CDK5RAP2: variants seen among roughly 807,000 people sequenced by gnomAD.
CDK5RAP2 encodes CDK5 regulatory subunit associated protein 2.
A neutral mutation model predicts 232.9 loss-of-function variants in CDK5RAP2; 147 were observed. The observed-to-expected ratio is 0.63, with a 90% confidence interval of 0.55 to 0.72. CDK5RAP2 has a LOEUF of 0.72. Ranked by LOEUF, CDK5RAP2 falls within the 30% of genes least tolerant of loss-of-function variation. The probability of loss-of-function intolerance (pLI) is 0.00; values close to 1 mark genes in which losing one functional copy is unlikely to be tolerated. For missense variants in CDK5RAP2, 2,195 were observed against 2,231.5 expected, an observed-to-expected ratio of 0.98 and a Z score of 0.33; for synonymous variants, 833 against 833.7, an observed-to-expected ratio of 1.00 and a Z score of 0.01.
intron 21 of CDK5RAP2, 89 bp from the exon 22 acceptor site, chr9:120,448,215 C>G: frequency 2.6e-6 from 3 of 1,145,598 alleles, no homozygotes; most frequent in Non-Finnish European, 4.0e-6. Flanking sequence ...CCTTATAAAA[C>G]GGAATTCGAA....
chr9:120,415,250 C>G, intron 27 of CDK5RAP2, 91 bp from the exon 28 acceptor site: 1 of 1,456,934 alleles, frequency 6.9e-7, no homozygotes, highest in Non-Finnish European at 9.5e-7. Context: ...AAATTCCAAA[C>G]AGTATTGGAT....
chr9:120,399,920 G>A (rs937705831), intron 35 of CDK5RAP2, among the ~76,000 whole-genome samples: 4 of 152,142 alleles, frequency 2.6e-5, no homozygotes. Flanking sequence ...GCTACTTCAT[G>A]GTCATGTTTG....
chr9:120,491,253 T>TA (rs1348210410), intron 13 of CDK5RAP2, 54 bp downstream of exon 13: 4 of 1,298,046 alleles, frequency 3.1e-6, no homozygotes, highest in African/African-American at 1.5e-5. Flanking sequence ...AATTATTTTT[T>TA]AAAAAAATCA....
chr9:120,421,175 A>G (rs1052304148), intron 26 of CDK5RAP2, among the ~76,000 whole-genome samples: 1 of 152,094 alleles, frequency 6.6e-6, no homozygotes, highest in South Asian at 2.1e-4. Flanking sequence ...TTGACCCTCT[A>G]TGTGCCAGCT....
At chr9:120,413,515 A>T (rs1307329453) in intron 28 of CDK5RAP2, among the ~76,000 whole-genome samples, 1 of 152,244 alleles carries the variant, frequency 6.6e-6, no homozygotes, top group African/African-American at 2.4e-5. Flanking sequence ...TCTTTCCACC[A>T]GTGTAAATAC....
Position 120,453,543 on chromosome 9 carries a change from T to G in CDK5RAP2, c.2706A>C (p.Ala902=). ...TCTCTGGCCGATGCTCTGCGCTGAG[T>G]GCAGTGTTGATCGGTTTCTCTTCCC... The part of the protein sequence containing the change: ...EAWEEKPINT[A]LSAEHRPENL... The change falls in exon 21 of 38, where the codon GCA becomes GCC. Residue 902 remains alanine, a synonymous_variant. Transcript: ENST00000349780. The G allele has an allele frequency of 6.2e-7, 1 of 1,614,164 alleles. No individual in the cohort carries two copies. Among genetic ancestry groups the G allele is most frequent in the Non-Finnish European group, 8.5e-7 (1 of 1,180,030 alleles).
intron 3 of CDK5RAP2, among the ~76,000 whole-genome samples, chr9:120,567,416 C>G (rs181594810): frequency 6.6e-6 from 1 of 152,318 alleles, no homozygotes; most frequent in Non-Finnish European, 1.5e-5. Flanking sequence ...GTCCTTCTCT[C>G]TGTGTCCTCC....
chr9:120,435,470 T>TACAC (rs55654634), intron 25 of CDK5RAP2, among the ~76,000 whole-genome samples: 4,696 of 147,378 alleles, frequency 0.032, 82 homozygotes, highest in South Asian at 0.056. Flanking sequence ...ATTACACATT[T>TACAC]ACACACACAC....
chr9:120,474,674 T>A lies in CDK5RAP2; in HGVS notation c.1727+2676A>T, dbSNP rs1238398419. On this transcript the variant is annotated intron_variant, in intron 15 of 37. Transcript: ENST00000349780. ...GTCTTAGAATGCACATTTCCACTTCTGTAATTTGGGGATCATCCACCAACT... is the reference window on the plus strand; with the variant it reads ...GTCTTAGAATGCACATTTCCACTTCAGTAATTTGGGGATCATCCACCAACT... 2.0e-5 allele frequency among the ~76,000 whole-genome samples: 3 copies of A among 152,216 alleles called. No homozygotes were observed. In the East Asian group the frequency reaches 5.8e-4, roughly 29 times the overall value.
At chr9:120,536,286 G>A (rs2041381192) in intron 7 of CDK5RAP2, 86 bp downstream of exon 7, 2 of 1,436,034 alleles carry the variant, frequency 1.4e-6, no homozygotes, top group East Asian at 2.3e-5. Flanking sequence ...GAGAAGGGAG[G>A]GATAAAAGAG....
At chr9:120,445,888 C>T (rs1010622679) in intron 22 of CDK5RAP2, among the ~76,000 whole-genome samples, 1 of 152,202 alleles carries the variant, frequency 6.6e-6, no homozygotes, top group Non-Finnish European at 1.5e-5. Flanking sequence ...ATTATCTCCA[C>T]CGGAATGGTC....
At chr9:120,453,990 T>A in intron 20 of CDK5RAP2, 117 bp from the exon 21 acceptor site, 1 of 1,024,170 alleles carries the variant, frequency 9.8e-7, no homozygotes, top group South Asian at 1.3e-5. Flanking sequence ...CAAAACTAAA[T>A]ACAGTGTGTA....
Position 120,470,097 on chromosome 9 carries a change from T to G in CDK5RAP2, c.1968+14A>C. On this transcript the variant is annotated intron_variant, in intron 17 of 37. Coordinates refer to ENST00000349780, the MANE Select transcript of CDK5RAP2 (RefSeq NM_018249.6). ...AAAAGAAAAGAAAAGCACTAAAAATTAATAGGTCAATACCTTTTTCTTAAG... is the reference window on the plus strand; with the variant it reads ...AAAAGAAAAGAAAAGCACTAAAAATGAATAGGTCAATACCTTTTTCTTAAG... 7.8e-7 allele frequency: 1 copy of G among 1,281,118 alleles called. No homozygotes were observed. Among genetic ancestry groups the G allele is most frequent in the South Asian group, 1.2e-5 (1 of 81,248 alleles). 79.4% of individuals were successfully genotyped at this position (1,281,118 alleles called of 1,614,324 possible). A position where few individuals can be genotyped will look rare whatever the true frequency, so the allele number is the denominator to read the frequency against.
intron 25 of CDK5RAP2, among the ~76,000 whole-genome samples, chr9:120,427,204 T>C (rs975337460): frequency 2.0e-5 from 3 of 152,204 alleles, no homozygotes; most frequent in African/African-American, 7.2e-5. Flanking sequence ...TTGGCTTCCC[T>C]GGGCCACTCT....
At chr9:120,464,167 C>G in intron 18 of CDK5RAP2, among the ~76,000 whole-genome samples, 1 of 152,166 alleles carries the variant, frequency 6.6e-6, no homozygotes, top group Non-Finnish European at 1.5e-5. Flanking sequence ...AAACCCCACG[C>G]TGTTACTCTG....
At chr9:120,467,042 G>A (rs781455809) in intron 18 of CDK5RAP2, among the ~76,000 whole-genome samples, 5 of 152,170 alleles carry the variant, frequency 3.3e-5, no homozygotes, top group Non-Finnish European at 7.3e-5. Context: ...AGAGAGTCAG[G>A]CCACAGTAGG....
intron 25 of CDK5RAP2, among the ~76,000 whole-genome samples, chr9:120,435,608 C>T (rs940429632): frequency 6.6e-6 from 1 of 152,046 alleles, no homozygotes; most frequent in Non-Finnish European, 1.5e-5. Context: ...AATCAAGGCT[C>T]TTGGAGAAAT....
At chr9:120,497,834 A>G (rs1250189101) in intron 12 of CDK5RAP2, among the ~76,000 whole-genome samples, 1 of 152,206 alleles carries the variant, frequency 6.6e-6, no homozygotes. Flanking sequence ...TTCAGGGTCT[A>G]AAACCCCTGT....
chr9:120,434,963 A>G (rs964424782), intron 25 of CDK5RAP2, among the ~76,000 whole-genome samples: 5 of 152,254 alleles, frequency 3.3e-5, no homozygotes, highest in Admixed American at 1.3e-4. Flanking sequence ...ATGACTTCAC[A>G]CAGCAATTTA....
Sources: allele counts gnomAD v4.1 joint callset (sites outside exome capture counted in the v4.1 genomes callset), GRCh38; gene constraint gnomAD v4.1.1; transcripts MANE v1.5; gene names NCBI Gene and HGNC (gene_info 2026-07-23, HGNC 2026-07-21).